Variants in DLG2 observed in about 807,000 individuals in gnomAD.
The protein encoded by DLG2 is disks large homolog 2.
Under a neutral mutation model 132.5 loss-of-function variants are expected in DLG2, and 45 were observed. That is an observed-to-expected ratio of 0.34 (90% CI 0.27 to 0.44). The LOEUF (loss-of-function observed/expected upper bound fraction) is 0.44, where lower values mean the gene tolerates loss of function less well. DLG2 is among the 20% of genes least tolerant of loss of function. The pLI is 1.00. For missense variants in DLG2, 1,045 were observed against 1,196.9 expected, an observed-to-expected ratio of 0.87 and a Z score of 1.87; for synonymous variants, 424 against 419.6, an observed-to-expected ratio of 1.01 and a Z score of -0.13.
chr11:84,714,531 T>C lies in DLG2; in HGVS notation c.358-179800A>G, dbSNP rs545024425. 1.1e-3 allele frequency among the ~76,000 whole-genome samples: 112 copies of C among 105,150 alleles called. 3 individuals carry two copies. Among genetic ancestry groups the C allele is most frequent in the African/African-American group, 8.1e-3 (107 of 13,162 alleles). 69.0% of individuals were successfully genotyped at this position (105,150 alleles called of 152,430 possible). A position where few individuals can be genotyped will look rare whatever the true frequency, so the allele number is the denominator to read the frequency against. On this transcript the variant is annotated intron_variant, in intron 6 of 27. Transcript: ENST00000376104. ...TGGGAGCCCACAACCCATTTCCTCT[T>C]TCTCTTTCTCTTTCTCTTTCTCTCT...
At chr11:85,446,863 G>T (rs1473202422) in intron 3 of DLG2, among the ~76,000 whole-genome samples, 1 of 151,690 alleles carries the variant, frequency 6.6e-6, no homozygotes, top group Admixed American at 6.6e-5. Context: ...AATTTAGAAT[G>T]TAAATTTGTT....
chr11:83,627,688 C>G (rs958912083), intron 19 of DLG2, among the ~76,000 whole-genome samples: 1 of 152,162 alleles, frequency 6.6e-6, no homozygotes, highest in African/African-American at 2.4e-5. Context: ...GTGCATGTGT[C>G]TTTATAGCAG....
At chr11:83,581,816 C>T (rs1328183811) in intron 19 of DLG2, among the ~76,000 whole-genome samples, 2 of 152,016 alleles carry the variant, frequency 1.3e-5, no homozygotes, top group Admixed American at 1.3e-4. Flanking sequence ...TTGGTCCTAG[C>T]ATGGAACCAC....
chr11:84,947,292 G>T (rs1211169528), intron 6 of DLG2, among the ~76,000 whole-genome samples: 3 of 152,098 alleles, frequency 2.0e-5, no homozygotes, highest in Admixed American at 6.6e-5. Context: ...TCACTGGAGG[G>T]TTCTATTTGG....
chr11:84,211,930 A>ATCT (rs2096761087), intron 8 of DLG2, among the ~76,000 whole-genome samples: 1 of 152,196 alleles, frequency 6.6e-6, no homozygotes, highest in African/African-American at 2.4e-5. Flanking sequence ...TATTCTATAT[A>ATCT]AGAGGATAAA....
At chr11:84,915,114 T>C (rs140440388) in intron 6 of DLG2, among the ~76,000 whole-genome samples, 73 of 152,310 alleles carry the variant, frequency 4.8e-4, no homozygotes, top group African/African-American at 1.7e-3. Context: ...CATTTGCATA[T>C]TCCTAATTGA....
chr11:84,243,017 C>CTCTCTCTATATATA (rs542476924), intron 8 of DLG2, among the ~76,000 whole-genome samples: 29 of 142,204 alleles, frequency 2.0e-4, no homozygotes, highest in East Asian at 6.2e-4. Context: ...CTCTCTCTCT[C>CTCTCTCTATATATA]TATATATATA....
rs185270518 is a variant in DLG2, at chr11:83,671,690, C to T, written c.1826-38365G>A. Among the ~76,000 whole-genome samples, 3 of 152,170 alleles carry T rather than the reference C, an allele frequency of 2.0e-5. No individual in the cohort carries two copies. In the South Asian group the frequency reaches 6.2e-4, roughly 32 times the overall value. On this transcript the variant is annotated intron_variant, in intron 18 of 27. Coordinates refer to ENST00000376104, the MANE Select transcript of DLG2 (RefSeq NM_001142699.3). ...TTTTTGTTTCATCAATATCCCTACT[C>T]CCTTTCCCTCTCTTGTATTATTTTG...
intron 4 of DLG2, among the ~76,000 whole-genome samples, chr11:85,211,667 G>T (rs147535055): frequency 1.3e-5 from 2 of 152,022 alleles, no homozygotes; most frequent in African/African-American, 2.4e-5. Context: ...TAAATTATTG[G>T]AACTTTTCTA....
At chr11:85,123,198 C>T (rs1305341633) in intron 5 of DLG2, among the ~76,000 whole-genome samples, 1 of 151,212 alleles carries the variant, frequency 6.6e-6, no homozygotes, top group Non-Finnish European at 1.5e-5. Context: ...AGGATGGTCT[C>T]GATTTCCTGA....
intron 3 of DLG2, among the ~76,000 whole-genome samples, chr11:85,521,827 A>C (rs1197369157): frequency 6.6e-6 from 1 of 152,164 alleles, no homozygotes; most frequent in Non-Finnish European, 1.5e-5. Flanking sequence ...GTGGAACTTT[A>C]AACTTGACAG....
chr11:85,354,168 G>C (rs764377170), intron 3 of DLG2, among the ~76,000 whole-genome samples: 13 of 151,900 alleles, frequency 8.6e-5, no homozygotes, highest in Non-Finnish European at 1.8e-4. Context: ...AGATAAAAAA[G>C]TGATTTCCAA....
intron 11 of DLG2, among the ~76,000 whole-genome samples, chr11:84,006,677 T>C (rs1260187786): frequency 2.0e-5 from 3 of 151,616 alleles, no homozygotes; most frequent in African/African-American, 7.2e-5. Context: ...TCAATAAAGA[T>C]ATGGCAAATT....
intron 4 of DLG2, among the ~76,000 whole-genome samples, chr11:85,173,481 T>C (rs967219625): frequency 6.6e-6 from 1 of 151,980 alleles, no homozygotes; most frequent in Non-Finnish European, 1.5e-5. Context: ...AAGCACTAAA[T>C]ATGGAAAGGA....
At chr11:85,460,797 A>C (rs1021736426) in intron 3 of DLG2, among the ~76,000 whole-genome samples, 15 of 152,230 alleles carry the variant, frequency 9.9e-5, no homozygotes, top group African/African-American at 3.6e-4. Flanking sequence ...TTGTAGAGCA[A>C]GTTCCTGCTT....
chr11:85,281,532 C>T (rs1009508271), intron 4 of DLG2, among the ~76,000 whole-genome samples: 2 of 152,004 alleles, frequency 1.3e-5, no homozygotes, highest in African/African-American at 4.8e-5. Context: ...ACAGGATATT[C>T]TGTATGCCTT....
chr11:85,177,702 T>A (rs2079398928), intron 4 of DLG2, among the ~76,000 whole-genome samples: 1 of 152,056 alleles, frequency 6.6e-6, no homozygotes, highest in Non-Finnish European at 1.5e-5. Flanking sequence ...ATAGTGTCTC[T>A]TATGAGATTC....
At chr11:84,618,057 G>A (rs1338305877) in intron 6 of DLG2, among the ~76,000 whole-genome samples, 4 of 152,042 alleles carry the variant, frequency 2.6e-5, no homozygotes, top group Non-Finnish European at 4.4e-5. Context: ...AAACTTAAAC[G>A]CTGAAGTATC....
At chr11:83,641,971 T>A (rs1250392336) in intron 18 of DLG2, among the ~76,000 whole-genome samples, 1 of 151,394 alleles carries the variant, frequency 6.6e-6, no homozygotes, top group Non-Finnish European at 1.5e-5. Flanking sequence ...GAGAGACAAA[T>A]AGATTATGAA....
Sources: gnomAD v4.1 joint callset for allele counts (sites outside exome capture counted in the v4.1 genomes callset) on GRCh38, gnomAD v4.1.1 for gene constraint, MANE v1.5 for transcripts, NCBI Gene and HGNC (gene_info 2026-07-23, HGNC 2026-07-21) for gene names.